Variants in PLEC observed in about 807,000 individuals in gnomAD.
The protein encoded by PLEC is hemidesmosomal protein 1.
In PLEC, 216 loss-of-function variants were observed where a neutral mutation model predicts 392.8. That is an observed-to-expected ratio of 0.55 (90% CI 0.49 to 0.62). PLEC has a LOEUF of 0.62. Among genes scored for constraint, PLEC ranks in the 20% least tolerant of loss-of-function variants. PLEC has a pLI of 0.00. For missense variants in PLEC, 6,863 were observed against 6,563.4 expected (o/e 1.05, Z -1.58); for synonymous variants, 3,621 against 2,980.6 (o/e 1.21, Z -7.00).
rs781934092 is a variant in PLEC at position 143,922,121 on chromosome 8, C to T, written c.7700G>A (p.Arg2567Gln). The T allele has an allele frequency of 3.8e-5, 58 of 1,544,840 alleles. No homozygotes were observed. Among genetic ancestry groups the T allele is most frequent in the Middle Eastern group, 1.8e-4 (1 of 5,466 alleles). ...CTGCTGCAGCTCCTCCTGCTTGCGC[C>T]GCACGCCCTCCTCGGCCTCATGCTG... ...RRQHEAEEGV[R>Q]RKQEELQQLE... Residue 2567 changes from arginine to glutamine, a missense_variant, in exon 32 of 32, where the codon CGG becomes CAG. Arg to Gln is a conservative substitution (Grantham distance 43). Transcript: ENST00000345136.
upstream of PLEC, chr8:143,958,525 C>T (rs1276578770): frequency 2.2e-5 from 8 of 371,318 alleles, no homozygotes; most frequent in African/African-American, 1.3e-4. The surrounding 1 kb of genome is among the most constrained non-coding windows in gnomAD (Gnocchi z 4.9). Context: ...CCACTGTCTC[C>T]ACCACACCCT....
chr8:143,958,868 T>C (rs1832733113), upstream of PLEC: 1 of 233,532 alleles, frequency 4.3e-6, no homozygotes, highest in African/African-American at 2.3e-5. This position sits in a 1 kb window ranked among gnomAD's most constrained non-coding sequence, Gnocchi z 4.9. Flanking sequence ...ACAGGAAACA[T>C]GGAGCAAGAG....
chr8:143,931,740 C>A (rs968986686), intron 18 of PLEC, 81 bp from the exon 19 acceptor site: 1 of 1,551,326 alleles, frequency 6.4e-7, no homozygotes, highest in Non-Finnish European at 8.7e-7. Flanking sequence ...AGGCCCAAGA[C>A]GGGGGCACTG....
At position 143,918,225 on chromosome 8, in the gene PLEC, G is replaced by C. The variant is rs782732974; in HGVS notation, c.11596C>G (p.Arg3866Gly). ...AGCAGCTGGCCGGTGCCGTCGTCAC[G>C]ACGGCACCGCCTGAGCAGCTGCGTG... Reference protein sequence around the residue: ...SYTQLLRRCRRDDGTGQLLLP... With the variant: ...SYTQLLRRCRGDDGTGQLLLP... Residue 3866 changes from arginine (R) to glycine (G), a missense_variant, in exon 32 of 32, where the codon CGT (arginine) becomes GGT (glycine). Coordinates refer to ENST00000345136, the MANE Select transcript of PLEC (RefSeq NM_201384.3). 2.5e-6 allele frequency: 4 copies of C among 1,580,604 alleles called. No individual in the cohort carries two copies. The highest frequency in any genetic ancestry group is 3.4e-6 in the Non-Finnish European group (4 of 1,171,100).
chr8:143,921,455 AAG>A lies in PLEC; in HGVS notation c.8364_8365del (p.Phe2789ProfsTer66). 1 of 1,613,054 alleles carries A rather than the reference AAG, an allele frequency of 6.2e-7. No homozygotes were observed. Among genetic ancestry groups the A allele is most frequent in the Non-Finnish European group, 8.5e-7 (1 of 1,179,770 alleles). On this transcript the variant is annotated frameshift_variant, in exon 32 of 32. Transcript: ENST00000345136. LOFTEE classifies it low-confidence loss of function (END_TRUNC). Reference sequence around the variant, plus strand: ...GATGAGGCCCTTCTGCATGGCTTGGAAGAGAGAGATCTGCTGGCCAGTGTAGG... The same window carrying A: ...GATGAGGCCCTTCTGCATGGCTTGGAAGAGAGATCTGCTGGCCAGTGTAGG...
intron 1 of PLEC, among the ~76,000 whole-genome samples, chr8:143,972,557 A>C (rs576468666): frequency 6.6e-6 from 1 of 152,258 alleles, no homozygotes; most frequent in Non-Finnish European, 1.5e-5. Flanking sequence ...GAGCCAGCAA[A>C]ACCAGCCACG....
intron 19 of PLEC, among the ~76,000 whole-genome samples, chr8:143,931,230 C>T (rs937218403): frequency 2.0e-5 from 3 of 152,152 alleles, no homozygotes; most frequent in Admixed American, 1.3e-4. Context: ...GGGGGCGGCC[C>T]GGCTTGGACC....
In PLEC at chr8:143,922,181, CGCTGCCGTTCCTGCTCCATCTGCTGCT is replaced by C; in HGVS notation, c.7613_7639del (p.Gln2538_Gln2546del). ...CGCCTCCTCCATGCTGGCCACCAGC[CGCTGCCGTTCCTGCTCCATCTGCTGCT>C]GCTGCCGCTGCTGCTCCTCACGCAG... is the stretch of plus-strand genomic sequence containing the variant. On this transcript the variant is annotated inframe_deletion, in exon 32 of 32. Transcript: ENST00000345136. 6.5e-7 allele frequency: 1 copy of C among 1,544,722 alleles called. No homozygotes were observed. The highest frequency in any genetic ancestry group is 1.9e-5 in the Admixed American group (1 of 51,356).
Position 143,921,910 on chromosome 8 carries a change from C to T in PLEC, c.7911G>A (p.Ala2637=), listed in dbSNP as rs372688821. 117 of 1,599,934 alleles carry T rather than the reference C, an allele frequency of 7.3e-5. 1 individual carries two copies. Among genetic ancestry groups the T allele is most frequent in the South Asian group, 5.7e-4 (52 of 91,026 alleles). The change falls in exon 32 of 32, where the codon GCG becomes GCA. Residue 2637 remains alanine, a synonymous_variant. Coordinates refer to ENST00000345136, the MANE Select transcript of PLEC (RefSeq NM_201384.3). ...PNGRDALDGP[A]AEAEPEHSFD... ...AGCTGTGCTCCGGCTCTGCCTCTGC[C>T]GCGGGGCCATCAAGTGCATCCCGGC...
chr8:143,929,417 C>T lies in PLEC; in HGVS notation c.3078G>A (p.Gln1026=), dbSNP rs1554710826. 1.3e-6 allele frequency: 2 copies of T among 1,564,030 alleles called. No homozygotes were observed. Among genetic ancestry groups the T allele is most frequent in the Admixed American group, 3.8e-5 (2 of 52,972 alleles). The change falls in exon 24 of 32, where the codon CAG becomes CAA. Residue 1026 remains glutamine, a synonymous_variant. Transcript: ENST00000345136. ...ARECAQRIAE[Q]QKAQAEVEGL... is the part of the protein sequence containing the mutation. ...GATGGGGGGGGACGGCCCCTGCCTG[C>T]TGCTCGGCGATGCGCTGGGCACACT...
intron 1 of PLEC, among the ~76,000 whole-genome samples, chr8:143,946,797 G>A (rs986250948): frequency 3.4e-5 from 4 of 119,120 alleles, no homozygotes; most frequent in East Asian, 5.7e-4. Flanking sequence ...TGTGCCCAGC[G>A]GTATTTCAGG....
At position 143,925,526 on chromosome 8, in the gene PLEC, C is replaced by T. The variant is rs782181237; in HGVS notation, c.4403G>A (p.Arg1468His). The change falls in exon 31 of 32, where the codon CGT becomes CAT. Residue 1468 changes from arginine to histidine, a missense_variant. Transcript: ENST00000345136. ...RLQLEATERQ[R>H]GGAEGELQAL... is the part of the protein sequence containing the mutation. ...CTGCAGCTCCCCCTCAGCCCCGCCACGCTGGCGCTCGGTGGCCTCCAACTG... is the reference window on the plus strand; with the variant it reads ...CTGCAGCTCCCCCTCAGCCCCGCCATGCTGGCGCTCGGTGGCCTCCAACTG... 3.6e-5 allele frequency: 57 copies of T among 1,595,182 alleles called. No homozygotes were observed. The highest frequency in any genetic ancestry group is 4.4e-5 in the Non-Finnish European group (52 of 1,177,922).
At position 143,924,768 on chromosome 8, in the gene PLEC, C is replaced by T. The variant is rs782556816; in HGVS notation, c.5161G>A (p.Glu1721Lys). 106 of 1,535,168 alleles carry T rather than the reference C, an allele frequency of 6.9e-5. No homozygotes were observed. Among genetic ancestry groups the T allele is most frequent in the East Asian group, 4.2e-4 (17 of 40,890 alleles). ...CGCTGCTGCTCCCCCTGCTCCGTCT[C>T]GGCCCGCAGCCGGATCAACTCCTGC... ...AEQELIRLRA[E>K]TEQGEQQRQL... The change falls in exon 31 of 32, where the codon GAG (glutamate) becomes AAG (lysine). Residue 1721 changes from glutamate (E) to lysine (K), a missense_variant. Physicochemically the swap from Glu to Lys is moderately conservative, Grantham distance 56. Transcript: ENST00000345136.
rs868971456 is a variant in PLEC at position 143,931,280 on chromosome 8, C to T, written c.2304+254G>A. ...TCCCCACATCCTGCCTCATTCCCCCCTTGGCTGACCTCTACACCTCCCATG... is the reference window on the plus strand; with the variant it reads ...TCCCCACATCCTGCCTCATTCCCCCTTTGGCTGACCTCTACACCTCCCATG... On this transcript the variant is annotated intron_variant, in intron 19 of 31. Coordinates refer to ENST00000345136, the MANE Select transcript of PLEC (RefSeq NM_201384.3). Among the ~76,000 whole-genome samples, 19 of 148,992 alleles carry T rather than the reference C, an allele frequency of 1.3e-4. 2 individuals are homozygous for T. The highest frequency in any genetic ancestry group is 3.4e-3 in the Middle Eastern group (1 of 292).
rs781829444 is a variant in PLEC, at chr8:143,925,771, CGCCTGTGCCTTT to C, written c.4146_4157del (p.Lys1383_Ala1386del). 11 of 1,590,094 alleles carry C rather than the reference CGCCTGTGCCTTT, an allele frequency of 6.9e-6. No homozygotes were observed. In the South Asian group the frequency reaches 1.2e-4, roughly 18 times the overall value. On this transcript the variant is annotated inframe_deletion, in exon 31 of 32. Transcript: ENST00000345136. ...GCTGCAGCTCCTTCGCCTCCCGCTCCGCCTGTGCCTTTGCCTGGGCGTGCGCCTCGGCCAGCT... is the reference window on the plus strand; with the variant it reads ...GCTGCAGCTCCTTCGCCTCCCGCTCCGCCTGGGCGTGCGCCTCGGCCAGCT...
At chr8:143,931,094 T>C (rs1029856015) in intron 19 of PLEC, among the ~76,000 whole-genome samples, 49 of 152,318 alleles carry the variant, frequency 3.2e-4, no homozygotes, top group African/African-American at 1.2e-3. Flanking sequence ...CTGGTGCCCC[T>C]TCTATAGTAC....
At chr8:143,968,835 CAA>C (rs782796940) in intron 1 of PLEC, among the ~76,000 whole-genome samples, 5 of 152,154 alleles carry the variant, frequency 3.3e-5, no homozygotes, top group Non-Finnish European at 7.3e-5. Context: ...TGTCTGCAAT[CAA>C]AGAGTCAGAT....
At chr8:143,941,500 A>G (rs1830442321), upstream of PLEC, among the ~76,000 whole-genome samples, 1 of 151,744 alleles carries the variant, frequency 6.6e-6, no homozygotes, top group South Asian at 2.1e-4. Context: ...CAAGGCTGGG[A>G]CCGGGTGAGG....
At chr8:143,974,569 C>A (rs1554745415), upstream of PLEC, among the ~76,000 whole-genome samples, 1 of 152,250 alleles carries the variant, frequency 6.6e-6, no homozygotes, top group Non-Finnish European at 1.5e-5. The surrounding 1 kb of genome is among the most constrained non-coding windows in gnomAD (Gnocchi z 5.9). Context: ...CAGCCCTCTC[C>A]TGGCCTCCCG....
Sources: gnomAD v4.1 joint callset for allele counts (sites outside exome capture counted in the v4.1 genomes callset) on GRCh38, gnomAD v4.1.1 for gene constraint, Gnocchi (gnomAD v3.1) non-coding constraint, MANE v1.5 for transcripts, NCBI Gene and HGNC (gene_info 2026-07-23, HGNC 2026-07-21) for gene names.